Variants in DNAJC3 observed in about 807,000 individuals in gnomAD.
DNAJC3 encodes dnaJ homolog subfamily C member 3.
A neutral mutation model predicts 68.6 loss-of-function variants in DNAJC3; 38 were observed. The observed-to-expected ratio is 0.55, with a 90% CI of 0.43 to 0.73. The LOEUF (loss-of-function observed/expected upper bound fraction) is 0.73. Among genes scored for constraint, DNAJC3 ranks in the 30% least tolerant of loss-of-function variants. The probability of loss-of-function intolerance (pLI) is 0.00; values close to 1 mark genes in which losing one functional copy is unlikely to be tolerated. For missense variants in DNAJC3, 526 were observed against 591.9 expected (o/e 0.89, Z 1.16); for synonymous variants, 203 against 204.0 (o/e 1.00, Z 0.04).
At chr13:95,779,516 C>A (rs1316437184) in intron 9 of DNAJC3, among the ~76,000 whole-genome samples, 2 of 152,192 alleles carry the variant, frequency 1.3e-5, no homozygotes, top group Admixed American at 6.5e-5. Context: ...ATGCAATACA[C>A]ATGAATCTCA....
chr13:95,764,369 CTCTCTCTATA>C (rs1882912041), intron 9 of DNAJC3, among the ~76,000 whole-genome samples: 2 of 136,762 alleles, frequency 1.5e-5, no homozygotes, highest in Middle Eastern at 3.6e-3. Context: ...CTCTCTCTCT[CTCTCTCTATA>C]TATATATATA....
At chr13:95,704,300 A>C (rs1880658625) in intron 1 of DNAJC3, among the ~76,000 whole-genome samples, 1 of 152,224 alleles carries the variant, frequency 6.6e-6, no homozygotes, top group South Asian at 2.1e-4. Flanking sequence ...GCCTGCTTCT[A>C]CTTTTTGATT....
intron 2 of DNAJC3, among the ~76,000 whole-genome samples, chr13:95,721,013 A>G (rs1881305205): frequency 1.3e-5 from 2 of 152,112 alleles, no homozygotes; most frequent in Admixed American, 6.6e-5. Flanking sequence ...GAACTTTTTC[A>G]TTATCCCAAA....
chr13:95,774,720 C>T lies in DNAJC3; in HGVS notation c.1075+10767C>T, dbSNP rs968285412. 2.6e-5 allele frequency among the ~76,000 whole-genome samples: 4 copies of T among 152,146 alleles called. No individual in the cohort carries two copies. In the South Asian group the frequency reaches 8.3e-4, roughly 32 times the overall value. On this transcript the variant is annotated intron_variant, in intron 9 of 11. Transcript: ENST00000602402. ...TGATGAATTTTTACTTTTATTCTTA[C>T]TCAGTGTTCCTGTTGATCACTGGCA...
At chr13:95,717,334 T>G (rs137867148) in intron 2 of DNAJC3, among the ~76,000 whole-genome samples, 1 of 152,332 alleles carries the variant, frequency 6.6e-6, no homozygotes, top group African/African-American at 2.4e-5. Context: ...TCATCACATT[T>G]CAACCTCACT....
chr13:95,712,269 C>T (rs536330645), intron 2 of DNAJC3, among the ~76,000 whole-genome samples: 20 of 152,206 alleles, frequency 1.3e-4, no homozygotes, highest in African/African-American at 4.1e-4. Flanking sequence ...ATATTGATAG[C>T]TCTCCCCACA....
At chr13:95,685,173 G>A (rs1305189151) in intron 1 of DNAJC3, among the ~76,000 whole-genome samples, 1 of 152,244 alleles carries the variant, frequency 6.6e-6, no homozygotes, top group South Asian at 2.1e-4. Flanking sequence ...CAGCAGCCGC[G>A]TGGGCTGAGC....
rs76777926 is a variant in DNAJC3, at chr13:95,772,135, A to G, written c.1075+8182A>G. Among the ~76,000 whole-genome samples the G allele has an allele frequency of 3.5e-3, 533 of 152,314 alleles. 7 individuals are homozygous for G. The highest frequency in any genetic ancestry group is 0.022 in the Admixed American group (342 of 15,302). The stretch of plus-strand genomic sequence containing the variant: ...AATGAATAGGCATGGCTGTGTTCCA[A>G]TAAAACTTTATTTTGAAAAACAGGT... On this transcript the variant is annotated intron_variant, in intron 9 of 11. Coordinates refer to ENST00000602402, the MANE Select transcript of DNAJC3 (RefSeq NM_006260.5).
chr13:95,708,886 A>G (rs1880857123), intron 1 of DNAJC3, among the ~76,000 whole-genome samples: 1 of 152,154 alleles, frequency 6.6e-6, no homozygotes, highest in Non-Finnish European at 1.5e-5. Flanking sequence ...AACAGTCTCT[A>G]TGATGTTCAT....
Position 95,677,346 on chromosome 13 carries a change from T to C in DNAJC3, c.82+9T>C, listed in dbSNP as rs1879783525. 5.1e-6 allele frequency: 8 copies of C among 1,582,550 alleles called. No homozygotes were observed. Among genetic ancestry groups the C allele is most frequent in the African/African-American group, 1.4e-5 (1 of 71,346 alleles). On this transcript the variant is annotated intron_variant, in intron 1 of 11. Coordinates refer to ENST00000602402, the MANE Select transcript of DNAJC3 (RefSeq NM_006260.5). ...GGATCTGCAGTACGAAGGTGAGTCC[T>C]GCCCTGCCCCGGCCAGGAAGTGGGC...
chr13:95,739,256 A>G (rs886518448), intron 4 of DNAJC3, among the ~76,000 whole-genome samples: 5 of 151,574 alleles, frequency 3.3e-5, no homozygotes, highest in African/African-American at 7.3e-5. Context: ...TGCCCTTAAC[A>G]TTTTTTCCTT....
At chr13:95,762,862 T>C (rs1207730038) in intron 7 of DNAJC3, among the ~76,000 whole-genome samples, 1 of 152,216 alleles carries the variant, frequency 6.6e-6, no homozygotes, top group Non-Finnish European at 1.5e-5. Context: ...AGTGAGAATA[T>C]GCAGTGCTTT....
intron 4 of DNAJC3, among the ~76,000 whole-genome samples, chr13:95,746,385 T>A (rs1349191530): frequency 6.6e-6 from 1 of 152,204 alleles, no homozygotes; most frequent in Non-Finnish European, 1.5e-5. Context: ...AAAAAAAGTG[T>A]AAAGTGTAGA....
At chr13:95,779,393 G>A (rs770492086) in intron 9 of DNAJC3, among the ~76,000 whole-genome samples, 32 of 151,768 alleles carry the variant, frequency 2.1e-4, no homozygotes, top group Non-Finnish European at 4.3e-4. Flanking sequence ...CAAAGTGCTG[G>A]GATTACAGGC....
chr13:95,690,640 C>T (rs1177890592), intron 1 of DNAJC3, among the ~76,000 whole-genome samples: 37 of 139,458 alleles, frequency 2.7e-4, no homozygotes, highest in East Asian at 1.8e-3. Flanking sequence ...CCCTCCCGGA[C>T]GGGGCGGCTG....
intron 4 of DNAJC3, among the ~76,000 whole-genome samples, chr13:95,734,022 T>C (rs1881804398): frequency 6.6e-6 from 1 of 152,210 alleles, no homozygotes; most frequent in Non-Finnish European, 1.5e-5. Context: ...GGATGTTTTG[T>C]ATATCCTTTG....
At chr13:95,757,269 T>C (rs1366623927) in intron 4 of DNAJC3, among the ~76,000 whole-genome samples, 3 of 152,162 alleles carry the variant, frequency 2.0e-5, no homozygotes, top group Non-Finnish European at 4.4e-5. Flanking sequence ...TTAGGAACTA[T>C]AAGTAGAAGG....
rs17878852 is a variant in DNAJC3, at chr13:95,723,421, T to G, written c.318+55T>G. On this transcript the variant is annotated intron_variant, in intron 3 of 11. Coordinates refer to ENST00000602402, the MANE Select transcript of DNAJC3 (RefSeq NM_006260.5). ...GAACTTAACAGAACTTGGGGAGAGATAATTTGTTTCATAAGGTGAGGACTG... is the reference window on the plus strand; with the variant it reads ...GAACTTAACAGAACTTGGGGAGAGAGAATTTGTTTCATAAGGTGAGGACTG... 6.0e-4 allele frequency: 942 copies of G among 1,573,056 alleles called. 5 individuals carry two copies. In the African/African-American group the frequency reaches 0.011, roughly 19 times the overall value.
rs367911483 is a variant in DNAJC3, at chr13:95,725,234, A to T, written c.375A>T (p.Glu125Asp). 2 of 1,595,390 alleles carry T rather than the reference A, an allele frequency of 1.3e-6. No homozygotes were observed. The highest frequency in any genetic ancestry group is 1.7e-6 in the Non-Finnish European group (2 of 1,173,678). Residue 125 changes from glutamate (E) to aspartate (D), a missense_variant, in exon 4 of 12, where the codon GAA becomes GAT. Glu to Asp is a conservative substitution (Grantham distance 45, BLOSUM62 2). Transcript: ENST00000602402. The stretch of plus-strand genomic sequence containing the variant: ...AACAAGGAAAACTTGATGAAGCAGA[A>T]GATGATTTTAAAAAAGTGGTAAGTT... Reference protein sequence around the residue: ...LLKQGKLDEAEDDFKKVLKSN... With the variant: ...LLKQGKLDEADDDFKKVLKSN...
Sources: allele counts gnomAD v4.1 joint callset (sites outside exome capture counted in the v4.1 genomes callset), GRCh38; gene constraint gnomAD v4.1.1; transcripts MANE v1.5; gene names NCBI Gene and HGNC (gene_info 2026-07-23, HGNC 2026-07-21).